Variants in JADE2 observed in about 807,000 individuals in gnomAD.
The protein encoded by JADE2 is E3 ubiquitin-protein ligase Jade-2.
A neutral mutation model predicts 85.7 loss-of-function variants in JADE2; 13 were observed. The ratio of observed to expected loss-of-function variants is 0.15; its 90% CI spans 0.10 to 0.24. JADE2 has a LOEUF of 0.24. Among genes scored for constraint, JADE2 ranks in the 10% least tolerant of loss-of-function variants. JADE2 has a pLI of 1.00. For missense variants in JADE2, 846 were observed against 1,115.9 expected (o/e 0.76, Z 3.45); for synonymous variants, 440 against 456.1 (o/e 0.96, Z 0.45).
At chr5:134,558,414 T>C (rs1203034213) in intron 4 of JADE2, among the ~76,000 whole-genome samples, 1 of 149,406 alleles carries the variant, frequency 6.7e-6, no homozygotes, top group African/African-American at 2.5e-5. Flanking sequence ...TTTTGGCTTT[T>C]GTTGCCATTG....
chr5:134,565,320 G>A (rs1364496529), intron 8 of JADE2, among the ~76,000 whole-genome samples: 1 of 152,234 alleles, frequency 6.6e-6, no homozygotes, highest in Non-Finnish European at 1.5e-5. Context: ...AGCATCAGCA[G>A]TCATAATAGT....
At chr5:134,541,496 G>A (rs207466419) in intron 3 of JADE2, among the ~76,000 whole-genome samples, 1 of 152,222 alleles carries the variant, frequency 6.6e-6, no homozygotes, top group East Asian at 1.9e-4. Context: ...TGGTGAAAGG[G>A]GTTCTGGGAG....
chr5:134,557,548 A>T (rs1452251291), intron 4 of JADE2, among the ~76,000 whole-genome samples: 1 of 99,248 alleles, frequency 1.0e-5, no homozygotes, highest in Non-Finnish European at 2.0e-5. Context: ...AACCCACCAC[A>T]GTCCCCAGAG....
chr5:134,566,613 C>T lies in JADE2; in HGVS notation c.1434+33C>T, dbSNP rs1233928805. On this transcript the variant is annotated intron_variant, in intron 9 of 11. Coordinates refer to ENST00000681547, the MANE Select transcript of JADE2 (RefSeq NM_001388185.1). This position sits in a 1 kb window ranked among gnomAD's most constrained non-coding sequence, Gnocchi z 6.7. Reference sequence around the variant, plus strand: ...CCCATGCCGCCTGCCCACCCCCTGCCTGGTGGGTCCAGGAGTCCTTTCCAT... The same window carrying T: ...CCCATGCCGCCTGCCCACCCCCTGCTTGGTGGGTCCAGGAGTCCTTTCCAT... 2 of 1,454,260 alleles carry T rather than the reference C, an allele frequency of 1.4e-6. No individual in the cohort carries two copies. The highest frequency in any genetic ancestry group is 1.9e-6 in the Non-Finnish European group (2 of 1,073,394). The allele number at this position is 1,454,260 out of a possible 1,614,324, so 90.1% of individuals were successfully genotyped here. A position where few individuals can be genotyped will look rare whatever the true frequency, so the allele number is the denominator to read the frequency against.
intron 1 of JADE2, among the ~76,000 whole-genome samples, chr5:134,531,158 A>G (rs1761209096): frequency 1.3e-5 from 2 of 152,230 alleles, no homozygotes; most frequent in Admixed American, 6.5e-5. Context: ...AGACATGCAT[A>G]GACCACATAG....
intron 9 of JADE2, among the ~76,000 whole-genome samples, chr5:134,569,415 C>CT (rs1396056030): frequency 6.6e-6 from 1 of 152,236 alleles, no homozygotes; most frequent in Non-Finnish European, 1.5e-5. Flanking sequence ...ACCAGATGTG[C>CT]TTTCCTAAAA....
rs879709824 is a variant in JADE2, at chr5:134,566,852, G to T, written c.1434+272G>T. On this transcript the variant is annotated intron_variant, in intron 9 of 11. Coordinates refer to ENST00000681547, the MANE Select transcript of JADE2 (RefSeq NM_001388185.1). The surrounding 1 kb of genome is among the most constrained non-coding windows in gnomAD (Gnocchi z 6.7). Reference sequence around the variant, plus strand: ...TAGCCCTGTCACAGGCCTGGTGAATGGTGGGGGCCCTGCCAAGGTCATGAG... The same window carrying T: ...TAGCCCTGTCACAGGCCTGGTGAATTGTGGGGGCCCTGCCAAGGTCATGAG... Among the ~76,000 whole-genome samples, 31 of 152,354 alleles carry T rather than the reference G, an allele frequency of 2.0e-4. No homozygotes were observed. The highest frequency in any genetic ancestry group is 3.4e-3 in the Middle Eastern group (1 of 294).
At chr5:134,572,856 T>TAA (rs1561763192) in intron 9 of JADE2, among the ~76,000 whole-genome samples, 2 of 152,224 alleles carry the variant, frequency 1.3e-5, no homozygotes, top group Non-Finnish European at 2.9e-5. Context: ...AGCAAGCTGG[T>TAA]GTCTAAGGCC....
chr5:134,553,912 G>A lies in JADE2; in HGVS notation c.311+1703G>A, dbSNP rs190718572. On this transcript the variant is annotated intron_variant, in intron 4 of 11. Transcript: ENST00000681547. Reference sequence around the variant, plus strand: ...GCCTCCAGCTACGGAGTTCAGCCAAGTGCTTCTTTATGCAACCTGGGAAAC... The same window carrying A: ...GCCTCCAGCTACGGAGTTCAGCCAAATGCTTCTTTATGCAACCTGGGAAAC... Among the ~76,000 whole-genome samples, 123 of 152,332 alleles carry A rather than the reference G, an allele frequency of 8.1e-4. 4 individuals carry two copies. The East Asian group carries it at 0.02, about 24-fold the overall frequency.
chr5:134,526,128 C>T (rs1581377205), intron 1 of JADE2, 117 bp downstream of exon 1: 2 of 985,380 alleles, frequency 2.0e-6, no homozygotes, highest in East Asian at 1.1e-4. Context: ...CGCTCGCTCC[C>T]TCTCTCTCCT....
At position 134,566,105 on chromosome 5, in the gene JADE2, T is replaced by C; in HGVS notation, c.970-11T>C. The C allele has an allele frequency of 6.2e-7, 1 of 1,606,790 alleles. No homozygotes were observed. Among genetic ancestry groups the C allele is most frequent in the Middle Eastern group, 1.7e-4 (1 of 6,020 alleles). Reference sequence around the variant, plus strand: ...CCTCCATGTCTGATCCTGCCCCTCCTTTCCCCTCAGTGTTCCATGCCTTCC... The same window carrying C: ...CCTCCATGTCTGATCCTGCCCCTCCCTTCCCCTCAGTGTTCCATGCCTTCC... On this transcript the variant is annotated splice_polypyrimidine_tract_variant and intron_variant, in intron 8 of 11. Coordinates refer to ENST00000681547, the MANE Select transcript of JADE2 (RefSeq NM_001388185.1). This position sits in a 1 kb window ranked among gnomAD's most constrained non-coding sequence, Gnocchi z 6.7.
intron 1 of JADE2, among the ~76,000 whole-genome samples, chr5:134,527,659 T>TCCTCCTC (rs1561718935): frequency 6.7e-6 from 1 of 150,090 alleles, no homozygotes; most frequent in Non-Finnish European, 1.5e-5. Flanking sequence ...TCCTCCCGGC[T>TCCTCCTC]CCGGCGGTCG....
intron 1 of JADE2, among the ~76,000 whole-genome samples, chr5:134,528,882 T>C (rs1442894422): frequency 2.6e-5 from 4 of 152,352 alleles, no homozygotes. Flanking sequence ...AAAATGCTTT[T>C]CCTTTCCCTA....
chr5:134,545,735 A>G (rs2149910997), intron 3 of JADE2, among the ~76,000 whole-genome samples: 1 of 152,298 alleles, frequency 6.6e-6, no homozygotes, highest in South Asian at 2.1e-4. Context: ...ATATATGTAA[A>G]ACTTTAACAT....
At chr5:134,561,027 T>C in intron 6 of JADE2, 70 bp downstream of exon 6, 1 of 1,392,240 alleles carries the variant, frequency 7.2e-7, no homozygotes, top group South Asian at 1.3e-5. Context: ...GACCCCCACT[T>C]GGCTCTCCAG....
Position 134,578,969 on chromosome 5 carries a change from A to T in JADE2, c.2157A>T (p.Pro719=). Reference sequence around the variant, plus strand: ...TAGCCACCCCTGAAAGCCCCCCGCCACTGGCCCCTGAGACCCCGGACGAGG... The same window carrying T: ...TAGCCACCCCTGAAAGCCCCCCGCCTCTGGCCCCTGAGACCCCGGACGAGG... ...PILATPESPP[P]LAPETPDEAA... Residue 719 remains proline (P), a synonymous_variant, in exon 12 of 12, where the codon CCA becomes CCT. Transcript: ENST00000681547. This position sits in a 1 kb window ranked among gnomAD's most constrained non-coding sequence, Gnocchi z 4.4. 2 of 1,613,544 alleles carry T rather than the reference A, an allele frequency of 1.2e-6. No homozygotes were observed. The highest frequency in any genetic ancestry group is 2.2e-5 in the South Asian group (2 of 91,054).
chr5:134,530,221 A>G (rs1761145397), intron 1 of JADE2, among the ~76,000 whole-genome samples: 1 of 152,242 alleles, frequency 6.6e-6, no homozygotes, highest in South Asian at 2.1e-4. Context: ...TTCCCAACAC[A>G]AGGAGGCTCT....
intron 1 of JADE2, among the ~76,000 whole-genome samples, chr5:134,534,347 G>A (rs961213368): frequency 6.6e-6 from 1 of 151,884 alleles, no homozygotes; most frequent in African/African-American, 2.4e-5. Flanking sequence ...TTGTTCCTGC[G>A]TTTGTGCTGC....
At chr5:134,548,884 G>C (rs1274954195) in intron 3 of JADE2, among the ~76,000 whole-genome samples, 2 of 152,216 alleles carry the variant, frequency 1.3e-5, no homozygotes, top group Admixed American at 6.5e-5. Context: ...AGGTCCATGT[G>C]TTTGGGGATT....
Sources: gnomAD v4.1 joint callset for allele counts (sites outside exome capture counted in the v4.1 genomes callset) on GRCh38, gnomAD v4.1.1 for gene constraint, Gnocchi (gnomAD v3.1) non-coding constraint, MANE v1.5 for transcripts, NCBI Gene and HGNC (gene_info 2026-07-23, HGNC 2026-07-21) for gene names.